The following CLPSL1 variants were observed in gnomAD, a reference collection of about 807,000 sequenced individuals.
The protein encoded by CLPSL1 is colipase like 1.
Under a neutral mutation model 9.3 loss-of-function variants are expected in CLPSL1, and 13 were observed. The ratio of observed to expected loss-of-function variants is 1.40; its 90% CI spans 0.91 to 2.22. The LOEUF (loss-of-function observed/expected upper bound fraction) is 2.22, where lower values mean the gene tolerates loss of function less well. CLPSL1 is among the 30% of genes most tolerant of loss of function. The probability of loss-of-function intolerance (pLI) is 0.00; values close to 1 mark genes in which losing one functional copy is unlikely to be tolerated. For missense variants in CLPSL1, 164 were observed against 146.6 expected, an observed-to-expected ratio of 1.12 and a Z score of -0.61; for synonymous variants, 58 against 56.9, an observed-to-expected ratio of 1.02 and a Z score of -0.08.
rs1293426925 is a variant in CLPSL1, at chr6:35,787,850, A to C, written c.223-17A>C. The C allele has an allele frequency of 6.2e-7, 1 of 1,607,256 alleles. No homozygotes were observed. Among genetic ancestry groups the C allele is most frequent in the East Asian group, 2.2e-5 (1 of 44,714 alleles). ...GAGCTGCCGCCAAGGTCGAGGTCAA[A>C]GTCCTGTCTTTCCCAGGTGTTCTTT... On this transcript the variant is annotated splice_polypyrimidine_tract_variant and intron_variant, in intron 2 of 2. Transcript: ENST00000373861.
intron 1 of CLPSL1, 38 bp from the exon 2 acceptor site, chr6:35,786,960 G>C: frequency 6.4e-7 from 1 of 1,552,456 alleles, no homozygotes; most frequent in Non-Finnish European, 8.7e-7. Context: ...GCGGAAGGCG[G>C]GCGGTGGAGC....
intron 2 of CLPSL1, 22 bp downstream of exon 2, chr6:35,787,142 G>A (rs1405831310): frequency 1.2e-6 from 2 of 1,609,668 alleles, no homozygotes; most frequent in African/African-American, 1.3e-5. Context: ...CGCCCGGGGG[G>A]AGCCAGAGGG....
intron 1 of CLPSL1, among the ~76,000 whole-genome samples, chr6:35,781,982 C>T (rs978687218): frequency 3.3e-5 from 5 of 152,064 alleles, no homozygotes; most frequent in Non-Finnish European, 5.9e-5. Context: ...GAACTCCTGA[C>T]CTCAAGCAAT....
downstream of CLPSL1, among the ~76,000 whole-genome samples, chr6:35,791,542 A>C (rs536203684): frequency 1.5e-3 from 228 of 151,814 alleles, no homozygotes; most frequent in Non-Finnish European, 2.4e-3. Flanking sequence ...CGGGAGGCGG[A>C]GGTTGCAGCG....
chr6:35,787,401 C>T (rs1440321297), intron 2 of CLPSL1, among the ~76,000 whole-genome samples: 2 of 152,258 alleles, frequency 1.3e-5, no homozygotes, highest in African/African-American at 4.8e-5. Flanking sequence ...TCAGCAAATT[C>T]CGAAAGTAGT....
intron 1 of CLPSL1, 116 bp from the exon 2 acceptor site, chr6:35,786,882 A>C: frequency 7.6e-7 from 1 of 1,314,778 alleles, no homozygotes; most frequent in Non-Finnish European, 1.0e-6. Flanking sequence ...CAGGAGCCAG[A>C]GGTGATGGTG....
downstream of CLPSL1, among the ~76,000 whole-genome samples, chr6:35,793,937 G>A (rs1768274440): frequency 6.6e-6 from 1 of 152,230 alleles, no homozygotes; most frequent in Non-Finnish European, 1.5e-5. Context: ...ATGGCTCCAG[G>A]GGATATACAA....
chr6:35,793,853 G>A (rs554886451), downstream of CLPSL1, among the ~76,000 whole-genome samples: 14 of 152,366 alleles, frequency 9.2e-5, no homozygotes, highest in East Asian at 2.3e-3. Context: ...CATCTCCACC[G>A]AGGGGTCAGT....
intron 1 of CLPSL1, 38 bp downstream of exon 1, chr6:35,781,247 C>T: frequency 6.2e-7 from 1 of 1,607,424 alleles, no homozygotes; most frequent in Non-Finnish European, 8.5e-7. Context: ...TCCCCCTCCA[C>T]TGTCCTAAGG....
chr6:35,788,677 G>A (rs1464297894), downstream of CLPSL1, among the ~76,000 whole-genome samples: 1 of 152,274 alleles, frequency 6.6e-6, no homozygotes, highest in Non-Finnish European at 1.5e-5. Context: ...CAAGAGAAAA[G>A]AGGGACAAGA....
rs1321453043 is a variant in CLPSL1 at position 35,786,873 on chromosome 6, A to C, written c.100-125A>C. 8 of 1,242,826 alleles carry C rather than the reference A, an allele frequency of 6.4e-6. No homozygotes were observed. The African/African-American group carries it at 8.9e-5, about 14-fold the overall frequency. The allele number at this position is 1,242,826 out of a possible 1,614,324, so 77.0% of individuals were successfully genotyped here. On this transcript the variant is annotated intron_variant, in intron 1 of 2. Transcript: ENST00000373861. ...CCACGTAGAGACCACCCTGCCTGGC[A>C]GGAGCCAGAGGTGATGGTGGGAGCA...
intron 1 of CLPSL1, 99 bp from the exon 2 acceptor site, chr6:35,786,899 G>C (rs2151061302): frequency 3.5e-6 from 5 of 1,417,930 alleles, no homozygotes; most frequent in South Asian, 2.6e-5. Flanking sequence ...GGTGGGAGCA[G>C]AGTCTGGGGA....
intron 2 of CLPSL1, 48 bp downstream of exon 2, chr6:35,787,168 G>T (rs1409275648): frequency 1.9e-6 from 3 of 1,599,912 alleles, no homozygotes; most frequent in Admixed American, 3.4e-5. Flanking sequence ...AGGGGAAGTG[G>T]GAGCCAGGGC....
intron 1 of CLPSL1, among the ~76,000 whole-genome samples, chr6:35,793,250 C>G (rs1768255566): frequency 6.6e-6 from 1 of 152,216 alleles, no homozygotes; most frequent in Non-Finnish European, 1.5e-5. Flanking sequence ...ATGGTGAAAC[C>G]CTGTCTCTAC....
chr6:35,789,851 A>G (rs935018615), downstream of CLPSL1, among the ~76,000 whole-genome samples: 1 of 152,140 alleles, frequency 6.6e-6, no homozygotes, highest in Non-Finnish European at 1.5e-5. Context: ...CCGAGATCAT[A>G]CCACTGCACT....
At chr6:35,785,670 T>C (rs540465190) in intron 1 of CLPSL1, among the ~76,000 whole-genome samples, 93 of 152,296 alleles carry the variant, frequency 6.1e-4, no homozygotes, top group Non-Finnish European at 2.1e-4. Flanking sequence ...TGCCAAATTA[T>C]CATTTTTAGA....
At chr6:35,792,558 G>A (rs1768241253), downstream of CLPSL1, among the ~76,000 whole-genome samples, 2 of 152,276 alleles carry the variant, frequency 1.3e-5, no homozygotes, top group Non-Finnish European at 2.9e-5. Flanking sequence ...CTGCTGTGTA[G>A]GCGTGTGATG....
Position 35,781,043 on chromosome 6 carries a change from G to A in CLPSL1, c.-68G>A. ...TACATGGTGTTCCCACAGCTGGGAGGACACCCACATGGTCGGCGTGCAGGA... is the reference window on the plus strand; with the variant it reads ...TACATGGTGTTCCCACAGCTGGGAGAACACCCACATGGTCGGCGTGCAGGA... On this transcript the variant is annotated 5_prime_UTR_variant, in exon 1 of 3. Transcript: ENST00000373861. 1 of 1,591,494 alleles carries A rather than the reference G, an allele frequency of 6.3e-7. No individual in the cohort carries two copies. The highest frequency in any genetic ancestry group is 8.6e-7 in the Non-Finnish European group (1 of 1,168,516).
downstream of CLPSL1, chr6:35,793,687 T>C (rs1321520763): frequency 2.3e-6 from 1 of 437,882 alleles, no homozygotes; most frequent in Non-Finnish European, 4.7e-6. Context: ...TACTTGGGTT[T>C]TTCTGCTACT....
Sources: gnomAD v4.1 joint callset for allele counts (sites outside exome capture counted in the v4.1 genomes callset) on GRCh38, gnomAD v4.1.1 for gene constraint, MANE v1.5 for transcripts, NCBI Gene and HGNC (gene_info 2026-07-23, HGNC 2026-07-21) for gene names.